Variants in FHIP1A observed in about 807,000 individuals in gnomAD.
The protein encoded by FHIP1A is FHF complex subunit HOOK interacting protein 1A.
A neutral mutation model predicts 88.6 loss-of-function variants in FHIP1A; 61 were observed. The ratio of observed to expected loss-of-function variants is 0.69; its 90% CI spans 0.56 to 0.85. The LOEUF (loss-of-function observed/expected upper bound fraction) is 0.85. FHIP1A is among the 40% of genes least tolerant of loss of function. The pLI, the probability that FHIP1A is intolerant of heterozygous loss-of-function variation, is 0.00. For synonymous variants in FHIP1A, 478 were observed against 496.0 expected (o/e 0.96, Z 0.48); for missense variants, 1,154 against 1,273.5 (o/e 0.91, Z 1.43).
At chr4:151,533,024 A>G (rs1731936579) in intron 3 of FHIP1A, 1 of 152,268 alleles carries the variant, frequency 6.6e-6, no homozygotes, top group African/African-American at 2.4e-5. Context: ...GCCAAACCAT[A>G]TCAACCTTAT....
intron 1 of FHIP1A, among the ~76,000 whole-genome samples, chr4:151,446,584 T>C (rs1728614950): frequency 2.7e-5 from 1 of 36,856 alleles, no homozygotes; most frequent in Admixed American, 2.2e-4. Context: ...TCTTTTTCTT[T>C]TTTTTTTTTT....
At chr4:151,653,933 G>A (rs936195328) in intron 11 of FHIP1A, among the ~76,000 whole-genome samples, 57 of 152,248 alleles carry the variant, frequency 3.7e-4, no homozygotes, top group African/African-American at 1.4e-3. Flanking sequence ...GAGGTGGGGA[G>A]TCTATCTGTC....
chr4:151,596,271 C>G (rs542966281), intron 7 of FHIP1A, among the ~76,000 whole-genome samples: 2 of 152,128 alleles, frequency 1.3e-5, no homozygotes, highest in Non-Finnish European at 2.9e-5. Context: ...TTTTATTTCT[C>G]CTTTGCTTAG....
intron 3 of FHIP1A, among the ~76,000 whole-genome samples, chr4:151,511,457 G>A (rs963537237): frequency 1.3e-4 from 20 of 152,332 alleles, no homozygotes; most frequent in South Asian, 2.1e-4. Flanking sequence ...GCAGCGCACC[G>A]TGCGCGAGCC....
At position 151,650,286 on chromosome 4, in the gene FHIP1A, G is replaced by GA; in HGVS notation, c.2246dup (p.Glu750GlyfsTer7). On this transcript the variant is annotated frameshift_variant, in exon 11 of 14. Transcript: ENST00000435205. LOFTEE classifies it high-confidence loss of function. Reference sequence around the variant, plus strand: ...CCTGACAGCCGCCCACCCGGAGAGCGAGGAGCTCATTGCCCAGTATGACCA... The same window carrying GA: ...CCTGACAGCCGCCCACCCGGAGAGCGAAGGAGCTCATTGCCCAGTATGACCA... 6.4e-7 allele frequency: 1 copy of GA among 1,551,728 alleles called. No homozygotes were observed. Among genetic ancestry groups the GA allele is most frequent in the East Asian group, 2.4e-5 (1 of 40,910 alleles).
In FHIP1A at chr4:151,566,180, C is replaced by A; in HGVS notation, c.-80C>A. On this transcript the variant is annotated 5_prime_UTR_variant, in exon 4 of 14. Coordinates refer to ENST00000435205, the MANE Select transcript of FHIP1A (RefSeq NM_001109977.3). ...TGAAATGTGAAGAAGTTACATTTCT[C>A]AAACTTGAAAGTTAGTGACGGCTTA... 1 of 800,898 alleles carries A rather than the reference C, an allele frequency of 1.2e-6. No homozygotes were observed. Among genetic ancestry groups the A allele is most frequent in the South Asian group, 1.9e-5 (1 of 51,700 alleles). 49.6% of individuals were successfully genotyped at this position (800,898 alleles called of 1,614,324 possible).
intron 13 of FHIP1A, among the ~76,000 whole-genome samples, chr4:151,659,364 A>G (rs4696283): frequency 0.6 from 91,124 of 152,088 alleles, 29,877 homozygotes; most frequent in African/African-American, 0.89. Context: ...TTACTGTGAC[A>G]TGATTTCCTG....
chr4:151,631,011 A>G (rs1736138618), intron 8 of FHIP1A, among the ~76,000 whole-genome samples: 1 of 152,198 alleles, frequency 6.6e-6, no homozygotes, highest in African/African-American at 2.4e-5. Context: ...AGCATTGTTT[A>G]AAGGGAAATA....
At chr4:151,534,444 C>G (rs1365518628) in intron 3 of FHIP1A, among the ~76,000 whole-genome samples, 2 of 152,076 alleles carry the variant, frequency 1.3e-5, no homozygotes, top group African/African-American at 4.8e-5. Context: ...CTTGGGAGTT[C>G]TTGTTGGGGA....
intron 1 of FHIP1A, among the ~76,000 whole-genome samples, chr4:151,433,108 A>G (rs1733657989): frequency 6.6e-6 from 1 of 152,162 alleles, no homozygotes; most frequent in Non-Finnish European, 1.5e-5. Flanking sequence ...TAGGCCTGAA[A>G]TACCAGCTTG....
At chr4:151,642,900 A>G (rs1578853677) in intron 9 of FHIP1A, among the ~76,000 whole-genome samples, 1 of 150,108 alleles carries the variant, frequency 6.7e-6, no homozygotes, top group Admixed American at 6.6e-5. Flanking sequence ...GACAATATGT[A>G]TAATATATAT....
intron 3 of FHIP1A, among the ~76,000 whole-genome samples, chr4:151,510,670 C>A (rs979747256): frequency 6.6e-6 from 1 of 152,144 alleles, no homozygotes; most frequent in African/African-American, 2.4e-5. Flanking sequence ...AGCTAGCAAT[C>A]TAGCAGTGGG....
At chr4:151,421,467 A>G (rs879296779) in intron 1 of FHIP1A, among the ~76,000 whole-genome samples, 7 of 152,136 alleles carry the variant, frequency 4.6e-5, no homozygotes, top group Admixed American at 4.6e-4. Context: ...ATGTCTTTTT[A>G]AAATTTAAAA....
chr4:151,650,171 G>A lies in FHIP1A; in HGVS notation c.2130G>A (p.Lys710=). The change falls in exon 11 of 14, where the codon AAG becomes AAA. Residue 710 remains lysine (K), a synonymous_variant. Coordinates refer to ENST00000435205, the MANE Select transcript of FHIP1A (RefSeq NM_001109977.3). ...DNSDPFHSEP[K]EPKQEREPEA... is the part of the protein sequence containing the mutation. The stretch of plus-strand genomic sequence containing the variant: ...CAGACCCGTTTCACAGTGAGCCCAA[G>A]GAGCCAAAGCAAGAGAGGGAACCTG... 1 of 1,551,730 alleles carries A rather than the reference G, an allele frequency of 6.4e-7. No individual in the cohort carries two copies. The highest frequency in any genetic ancestry group is 8.7e-7 in the Non-Finnish European group (1 of 1,146,998).
intron 3 of FHIP1A, among the ~76,000 whole-genome samples, chr4:151,493,948 A>C (rs1042941721): frequency 7.9e-5 from 12 of 152,186 alleles, no homozygotes; most frequent in Admixed American, 2.6e-4. Flanking sequence ...ACTTCTATTC[A>C]ACATAGTACT....
rs78762567 is a variant in FHIP1A, at chr4:151,623,986, G to C, written c.979-5716G>C. 5.3e-3 allele frequency among the ~76,000 whole-genome samples: 810 copies of C among 152,254 alleles called. 6 individuals are homozygous for C. The highest frequency in any genetic ancestry group is 0.019 in the African/African-American group (788 of 41,544). On this transcript the variant is annotated intron_variant, in intron 7 of 13. Transcript: ENST00000435205. ...ACAACAGCAAAACACTCAGAACTGT[G>C]TTTTGTTCATCTTTCTGTCCCCAGC...
chr4:151,648,859 C>G (rs982385568), intron 10 of FHIP1A, among the ~76,000 whole-genome samples: 3 of 151,978 alleles, frequency 2.0e-5, no homozygotes, highest in African/African-American at 7.3e-5. Context: ...CTTTTAACAT[C>G]AGAGGCAGTC....
intron 1 of FHIP1A, among the ~76,000 whole-genome samples, chr4:151,422,388 A>G (rs1199584942): frequency 1.5e-5 from 2 of 130,494 alleles, no homozygotes; most frequent in East Asian, 2.1e-4. Context: ...AAATATATAT[A>G]TGCATTTTTT....
intron 1 of FHIP1A, among the ~76,000 whole-genome samples, chr4:151,450,781 G>A (rs560185167): frequency 4.6e-5 from 7 of 151,374 alleles, no homozygotes; most frequent in Admixed American, 1.3e-4. Context: ...TCTTTATCTC[G>A]TCTTTTTTTT....
Sources: gnomAD v4.1 joint callset for allele counts (sites outside exome capture counted in the v4.1 genomes callset) on GRCh38, gnomAD v4.1.1 for gene constraint, MANE v1.5 for transcripts, NCBI Gene and HGNC (gene_info 2026-07-23, HGNC 2026-07-21) for gene names.